Variants in GHR observed in about 807,000 individuals in gnomAD.
GHR encodes the protein growth hormone receptor, also known as GH receptor.
A neutral mutation model predicts 67.1 loss-of-function variants in GHR; 35 were observed. That is an observed-to-expected ratio of 0.52 (90% CI 0.40 to 0.69). The LOEUF (loss-of-function observed/expected upper bound fraction) is 0.69. Ranked by LOEUF, GHR falls within the 30% of genes least tolerant of loss-of-function variation. The pLI is 0.00. For synonymous variants in GHR, 272 were observed against 269.1 expected (o/e 1.01, Z -0.10); for missense variants, 792 against 764.6 (o/e 1.04, Z -0.42).
rs140011565 is a variant in GHR at position 42,456,889 on chromosome 5, A to G, written c.-12+32934A>G. 3.6e-3 allele frequency among the ~76,000 whole-genome samples: 546 copies of G among 152,310 alleles called. 3 individuals carry two copies. Among genetic ancestry groups the G allele is most frequent in the Middle Eastern group, 6.8e-3 (2 of 294 alleles). On this transcript the variant is annotated intron_variant, in intron 1 of 9. Transcript: ENST00000230882. ...TAATAGCAGGACTCCACAGACTGCT[A>G]TGGAAAAGACACCCACCCGGGGCTA...
chr5:42,649,149 G>A (rs918162044), intron 3 of GHR, among the ~76,000 whole-genome samples: 1 of 152,202 alleles, frequency 6.6e-6, no homozygotes. Flanking sequence ...TGGGATTTTT[G>A]GACAAGCTTC....
chr5:42,490,707 C>G (rs1216514564), intron 1 of GHR, among the ~76,000 whole-genome samples: 1 of 152,184 alleles, frequency 6.6e-6, no homozygotes. Context: ...ATGGTAGTAT[C>G]CATCTTATAA....
intron 3 of GHR, among the ~76,000 whole-genome samples, chr5:42,684,399 T>C (rs1169851777): frequency 2.0e-5 from 3 of 152,236 alleles, no homozygotes; most frequent in Non-Finnish European, 4.4e-5. Flanking sequence ...AATAGTCTCC[T>C]CAGATATACC....
intron 2 of GHR, among the ~76,000 whole-genome samples, chr5:42,605,854 CTAAT>C (rs1024101855): frequency 6.6e-6 from 1 of 152,168 alleles, no homozygotes; most frequent in African/African-American, 2.4e-5. Context: ...CTGATGCAGG[CTAAT>C]TAATAGCTTA....
At position 42,683,290 on chromosome 5, in the gene GHR, G is replaced by A. The variant is rs541996747; in HGVS notation, c.137-5600G>A. On this transcript the variant is annotated intron_variant, in intron 3 of 9. Coordinates refer to ENST00000230882, the MANE Select transcript of GHR (RefSeq NM_000163.5). ...GCTGGGATTACAGGCATGAGCCACC[G>A]CGCCCAGCCAGTTCCTCAAGGGTTT... 1.1e-4 allele frequency among the ~76,000 whole-genome samples: 16 copies of A among 152,110 alleles called. No homozygotes were observed. The South Asian group carries it at 1.7e-3, about 16-fold the overall frequency.
intron 2 of GHR, among the ~76,000 whole-genome samples, chr5:42,595,677 C>A (rs975199072): frequency 6.6e-6 from 1 of 152,200 alleles, no homozygotes; most frequent in African/African-American, 2.4e-5. Flanking sequence ...TGCTTGAGTA[C>A]CTGGAGTGGT....
Position 42,718,961 on chromosome 5 carries a change from A to T in GHR, c.1454A>T (p.Asp485Val). 1 of 1,613,386 alleles carries T rather than the reference A, an allele frequency of 6.2e-7. No homozygotes were observed. Among genetic ancestry groups the T allele is most frequent in the Non-Finnish European group, 8.5e-7 (1 of 1,179,502 alleles). Residue 485 changes from aspartate to valine, a missense_variant, in exon 10 of 10, where the codon GAC becomes GTC. Physicochemically the swap from Asp to Val is radical, Grantham distance 152. Transcript: ENST00000230882. Reference protein sequence around the residue: ...LSNPSSLSNIDFYAQVSDITP... With the variant: ...LSNPSSLSNIVFYAQVSDITP... ...AATCCAAGTTCACTGTCAAACATCGACTTTTATGCCCAGGTGAGCGACATT... is the reference window on the plus strand; with the variant it reads ...AATCCAAGTTCACTGTCAAACATCGTCTTTTATGCCCAGGTGAGCGACATT...
chr5:42,620,907 C>T (rs1467558593), intron 2 of GHR, among the ~76,000 whole-genome samples: 1 of 152,138 alleles, frequency 6.6e-6, no homozygotes, highest in African/African-American at 2.4e-5. Flanking sequence ...TTCTCCCTTA[C>T]ATCTCCATCT....
intron 1 of GHR, among the ~76,000 whole-genome samples, chr5:42,431,905 G>A (rs1381089696): frequency 6.6e-6 from 1 of 151,702 alleles, no homozygotes; most frequent in Non-Finnish European, 1.5e-5. Flanking sequence ...TATCCATGGT[G>A]GACAACCTGT....
chr5:42,559,866 A>G (rs963819732), intron 1 of GHR, among the ~76,000 whole-genome samples: 16 of 152,218 alleles, frequency 1.1e-4, no homozygotes, highest in African/African-American at 3.1e-4. Flanking sequence ...AGCTGTTTCA[A>G]TGCATGCCTG....
At chr5:42,452,551 G>A (rs112147446) in intron 1 of GHR, among the ~76,000 whole-genome samples, 3,192 of 152,134 alleles carry the variant, frequency 0.021, 157 homozygotes, top group East Asian at 0.11. Flanking sequence ...AGGTTTGACT[G>A]TTTAATATAG....
chr5:42,638,571 T>C lies in GHR; in HGVS notation c.136+9468T>C, dbSNP rs148300609. On this transcript the variant is annotated intron_variant, in intron 3 of 9. Transcript: ENST00000230882. ...TTACTGTACTGAATATTCTCAGCAA[T>C]TGTAACACAATGGTAAGTATTTATG... is the stretch of plus-strand genomic sequence containing the variant. Among the ~76,000 whole-genome samples the C allele has an allele frequency of 9.9e-4, 151 of 152,278 alleles. 1 individual carries two copies. The highest frequency in any genetic ancestry group is 3.2e-3 in the African/African-American group (135 of 41,544).
chr5:42,587,145 T>G (rs1751519415), intron 2 of GHR, among the ~76,000 whole-genome samples: 4 of 150,504 alleles, frequency 2.7e-5, no homozygotes, highest in Non-Finnish European at 3.0e-5. Flanking sequence ...TGAAATAAAT[T>G]TAAAAACATG....
chr5:42,465,156 A>G (rs2112068807), intron 1 of GHR, among the ~76,000 whole-genome samples: 1 of 152,352 alleles, frequency 6.6e-6, no homozygotes, highest in East Asian at 1.9e-4. Context: ...GAGGGGTCCC[A>G]TGGTTTGGAA....
At chr5:42,645,782 A>G (rs1010457439) in intron 3 of GHR, among the ~76,000 whole-genome samples, 1 of 152,208 alleles carries the variant, frequency 6.6e-6, no homozygotes, top group Non-Finnish European at 1.5e-5. Context: ...TCCAAATAAT[A>G]ACCAAAATGT....
rs757368410 is a variant in GHR, at chr5:42,695,040, T to G, written c.390T>G (p.Thr130=). 3.1e-6 allele frequency: 5 copies of G among 1,610,502 alleles called. No individual in the cohort carries two copies. Among genetic ancestry groups the G allele is most frequent in the Admixed American group, 3.3e-5 (2 of 59,974 alleles). The change falls in exon 5 of 10, where the codon ACT becomes ACG. Residue 130 remains threonine (T), a synonymous_variant. Transcript: ENST00000230882. The stretch of plus-strand genomic sequence containing the variant: ...GGATACCTTATTGTATCAAGCTAAC[T>G]AGCAATGGTGGTACAGTGGATGAAA... The part of the protein sequence containing the change: ...SIWIPYCIKL[T]SNGGTVDEKC...
rs142804479 is a variant in GHR at position 42,691,076 on chromosome 5, A to G, written c.266+2057A>G. Among the ~76,000 whole-genome samples, 354 of 152,228 alleles carry G rather than the reference A, an allele frequency of 2.3e-3. 3 individuals are homozygous for G. Among genetic ancestry groups the G allele is most frequent in the African/African-American group, 8.1e-3 (335 of 41,540 alleles). On this transcript the variant is annotated intron_variant, in intron 4 of 9. Transcript: ENST00000230882. ...TTGCCCTCATCAATCAGGGTCACAT[A>G]ACTCTGTCCACAGGCATCTTATGCA... is the stretch of plus-strand genomic sequence containing the variant.
chr5:42,452,474 T>C lies in GHR; in HGVS notation c.-12+28519T>C, dbSNP rs73083423. On this transcript the variant is annotated intron_variant, in intron 1 of 9. Coordinates refer to ENST00000230882, the MANE Select transcript of GHR (RefSeq NM_000163.5). ...CAAGGCCAGGGAAGTTTTCCTTAAT[T>C]ATTCCCTTAAATAAGTTTTTCTAAT... Among the ~76,000 whole-genome samples, 200 of 152,338 alleles carry C rather than the reference T, an allele frequency of 1.3e-3. 3 individuals are homozygous for C. Among genetic ancestry groups the C allele is most frequent in the African/African-American group, 4.8e-3 (199 of 41,582 alleles).
At chr5:42,570,878 T>C (rs1380760801) in intron 2 of GHR, among the ~76,000 whole-genome samples, 1 of 152,120 alleles carries the variant, frequency 6.6e-6, no homozygotes. Flanking sequence ...TTGAAAGGGA[T>C]GAATTAGAGG....
Sources: gnomAD v4.1 joint callset for allele counts (sites outside exome capture counted in the v4.1 genomes callset) on GRCh38, gnomAD v4.1.1 for gene constraint, MANE v1.5 for transcripts, NCBI Gene and HGNC (gene_info 2026-07-23, HGNC 2026-07-21) for gene names.